The following PCCA variants were observed in gnomAD, a reference collection of about 807,000 sequenced individuals.
PCCA encodes propionyl-CoA carboxylase alpha chain, mitochondrial.
A neutral mutation model predicts 101.3 loss-of-function variants in PCCA; 74 were observed. The ratio of observed to expected loss-of-function variants is 0.73; its 90% CI spans 0.61 to 0.89. The LOEUF (loss-of-function observed/expected upper bound fraction) is 0.89, where lower values mean the gene tolerates loss of function less well. PCCA is among the 40% of genes least tolerant of loss of function. The pLI, the probability that PCCA is intolerant of heterozygous loss-of-function variation, is 0.00. For synonymous variants in PCCA, 294 were observed against 313.6 expected (o/e 0.94, Z 0.66); for missense variants, 891 against 907.0 (o/e 0.98, Z 0.23).
Position 100,407,093 on chromosome 13 carries a change from T to TA in PCCA, c.1747-18539dup, listed in dbSNP as rs544435002. 2.4e-3 allele frequency among the ~76,000 whole-genome samples: 359 copies of TA among 152,378 alleles called. 6 individuals are homozygous for TA. In the South Asian group the frequency reaches 0.024, roughly 10 times the overall value. ...AAGAAGTTCGGTTATCTCCATGGTT[T>TA]ACAATAACTTAACATAACAACCTTA... is the stretch of plus-strand genomic sequence containing the variant. On this transcript the variant is annotated intron_variant, in intron 19 of 23. Coordinates refer to ENST00000376285, the MANE Select transcript of PCCA (RefSeq NM_000282.4).
intron 7 of PCCA, among the ~76,000 whole-genome samples, chr13:100,226,230 A>G (rs9582378): frequency 0.17 from 25,221 of 152,216 alleles, 2,260 homozygotes; most frequent in African/African-American, 0.2. Flanking sequence ...TGAATGCAGA[A>G]TAGTTTGAGG....
intron 4 of PCCA, among the ~76,000 whole-genome samples, chr13:100,138,613 C>G (rs2051463043): frequency 6.6e-6 from 1 of 152,158 alleles, no homozygotes; most frequent in African/African-American, 2.4e-5. Flanking sequence ...GATCTGCTAG[C>G]AACTAATGCT....
At chr13:100,327,689 G>A (rs117878326) in intron 16 of PCCA, among the ~76,000 whole-genome samples, 134 of 152,316 alleles carry the variant, frequency 8.8e-4, no homozygotes, top group Middle Eastern at 3.4e-3. Flanking sequence ...CCACCACAGT[G>A]TGACAATTCT....
At chr13:100,393,965 T>C (rs2076934528) in intron 19 of PCCA, among the ~76,000 whole-genome samples, 1 of 152,218 alleles carries the variant, frequency 6.6e-6, no homozygotes, top group Non-Finnish European at 1.5e-5. Context: ...CTGCCTTAAC[T>C]CTGAATTTTT....
chr13:100,218,699 C>G (rs147518009), intron 7 of PCCA, among the ~76,000 whole-genome samples: 45 of 152,256 alleles, frequency 3.0e-4, no homozygotes, highest in African/African-American at 1.0e-3. Flanking sequence ...GATATTACTC[C>G]CTTAATTAGG....
intron 4 of PCCA, among the ~76,000 whole-genome samples, chr13:100,112,803 T>C (rs2048443134): frequency 6.6e-6 from 1 of 152,142 alleles, no homozygotes; most frequent in South Asian, 2.1e-4. Flanking sequence ...GTTGAACTCC[T>C]GACCTTAGGT....
chr13:100,519,523 C>T (rs540996568), intron 22 of PCCA, among the ~76,000 whole-genome samples: 1 of 152,282 alleles, frequency 6.6e-6, no homozygotes, highest in South Asian at 2.1e-4. Flanking sequence ...TCGGTGGCAA[C>T]ACCACTTACA....
chr13:100,235,718 A>G (rs2060757386), intron 7 of PCCA, 124 bp from the exon 8 acceptor site: 4 of 726,304 alleles, frequency 5.5e-6, no homozygotes, highest in Non-Finnish European at 7.7e-6. Flanking sequence ...GAAAAGGGTT[A>G]GAAGGTAGTA....
intron 4 of PCCA, among the ~76,000 whole-genome samples, chr13:100,130,853 G>C (rs1470012899): frequency 1.3e-5 from 2 of 152,038 alleles, no homozygotes; most frequent in African/African-American, 2.4e-5. Context: ...AGGGAAATTT[G>C]GTTTCAAAAT....
intron 1 of PCCA, among the ~76,000 whole-genome samples, 190 bp from the exon 2 acceptor site, chr13:100,102,693 C>G (rs1444762526): frequency 6.6e-6 from 1 of 152,150 alleles, no homozygotes; most frequent in Non-Finnish European, 1.5e-5. Context: ...CTTTTGGTTT[C>G]TCTTACATAC....
intron 21 of PCCA, among the ~76,000 whole-genome samples, chr13:100,469,234 C>G (rs2082788038): frequency 1.1e-5 from 1 of 92,136 alleles, no homozygotes; most frequent in Non-Finnish European, 2.3e-5. Flanking sequence ...AAAAGAATCC[C>G]TTTGGTTCCA....
chr13:100,409,186 A>G (rs1003288909), intron 19 of PCCA, among the ~76,000 whole-genome samples: 9 of 152,146 alleles, frequency 5.9e-5, no homozygotes, highest in Admixed American at 1.3e-4. Flanking sequence ...AACCCCTGGG[A>G]GCAGCAGGCG....
chr13:100,475,450 T>C (rs938556041), intron 21 of PCCA, among the ~76,000 whole-genome samples: 1 of 152,204 alleles, frequency 6.6e-6, no homozygotes, highest in Non-Finnish European at 1.5e-5. Context: ...ACTTACATAC[T>C]GGTATCCACA....
chr13:100,451,319 T>C (rs929565375), intron 21 of PCCA, among the ~76,000 whole-genome samples: 1 of 152,232 alleles, frequency 6.6e-6, no homozygotes, highest in South Asian at 2.1e-4. Flanking sequence ...CACAGAAGTA[T>C]ATATCCTATC....
chr13:100,513,007 G>T (rs2086595091), intron 21 of PCCA, among the ~76,000 whole-genome samples: 1 of 152,194 alleles, frequency 6.6e-6, no homozygotes, highest in Non-Finnish European at 1.5e-5. Context: ...ATTCTTAAAT[G>T]ACTTCTTTTC....
At chr13:100,420,507 G>A (rs549418178) in intron 19 of PCCA, among the ~76,000 whole-genome samples, 2 of 152,264 alleles carry the variant, frequency 1.3e-5, no homozygotes, top group South Asian at 4.1e-4. Context: ...TTGAGCCTGG[G>A]AGGTCAAGGC....
intron 22 of PCCA, among the ~76,000 whole-genome samples, chr13:100,519,707 C>G (rs2087090828): frequency 6.6e-6 from 1 of 152,250 alleles, no homozygotes; most frequent in Non-Finnish European, 1.5e-5. Context: ...GCCGACCATA[C>G]AGAACTGGCA....
intron 20 of PCCA, among the ~76,000 whole-genome samples, chr13:100,435,777 C>T (rs1424519824): frequency 6.6e-6 from 1 of 152,150 alleles, no homozygotes; most frequent in East Asian, 1.9e-4. Context: ...GGTGTGGTGG[C>T]TCATGCCTGT....
intron 7 of PCCA, among the ~76,000 whole-genome samples, chr13:100,234,666 G>T: frequency 6.6e-6 from 1 of 150,990 alleles, no homozygotes; most frequent in African/African-American, 2.4e-5. Flanking sequence ...TTTTTTATTA[G>T]ACATAAGTGA....
Sources: gnomAD v4.1 joint callset for allele counts (sites outside exome capture counted in the v4.1 genomes callset) on GRCh38, gnomAD v4.1.1 for gene constraint, MANE v1.5 for transcripts, NCBI Gene and HGNC (gene_info 2026-07-23, HGNC 2026-07-21) for gene names.